The following MINAR2 variants were observed in gnomAD, a reference collection of about 807,000 sequenced individuals.
MINAR2 encodes major intrinsically disordered NOTCH2-binding receptor 1-like.
Under a neutral mutation model 16.1 loss-of-function variants are expected in MINAR2, and 21 were observed. The ratio of observed to expected loss-of-function variants is 1.31; its 90% CI spans 0.93 to 1.88. The LOEUF is 1.88. Among genes scored for constraint, MINAR2 ranks in the 40% most tolerant of loss-of-function variants. The pLI is 0.00. For missense variants in MINAR2, 259 were observed against 229.8 expected (o/e 1.13, Z -0.82); for synonymous variants, 86 against 83.0 (o/e 1.04, Z -0.20).
At chr5:129,751,938 G>A (rs1389797035) in intron 1 of MINAR2, among the ~76,000 whole-genome samples, 1 of 152,072 alleles carries the variant, frequency 6.6e-6, no homozygotes, top group Admixed American at 6.5e-5. Flanking sequence ...CTTCTCAAAA[G>A]AAGACATTTA....
Position 129,748,331 on chromosome 5 carries a change from CT to C in MINAR2, c.142del (p.Trp48GlyfsTer41), listed in dbSNP as rs1455907173. The C allele has an allele frequency of 1.1e-5, 17 of 1,535,008 alleles. No homozygotes were observed. ...GTGGAAATTATCCTGCTGCACAACA[CT>C]GGCAAAACCTTGTCTACTCACAGGT... Reference protein sequence around the residue: ...PGGNYPAAQHWQNLVYSQREK... With the variant: ...PGGNYPAAQHXQNLVYSQREK... On this transcript the variant is annotated frameshift_variant, in exon 1 of 3. Coordinates refer to ENST00000564719, the MANE Select transcript of MINAR2 (RefSeq NM_001257308.2). LOFTEE classifies it high-confidence loss of function.
At chr5:129,759,639 G>C (rs1758101626) in intron 1 of MINAR2, among the ~76,000 whole-genome samples, 1 of 152,070 alleles carries the variant, frequency 6.6e-6, no homozygotes, top group African/African-American at 2.4e-5. Context: ...TTTGGGCAGG[G>C]GGAGGGAGGG....
intron 1 of MINAR2, among the ~76,000 whole-genome samples, chr5:129,755,121 T>A (rs940646192): frequency 1.3e-5 from 2 of 152,104 alleles, no homozygotes; most frequent in Non-Finnish European, 2.9e-5. Context: ...TTTTTTCCTG[T>A]TAATGTGGTA....
Position 129,765,012 on chromosome 5 carries a change from C to T in MINAR2, c.522C>T (p.Val174=), listed in dbSNP as rs555644832. 7.8e-4 allele frequency: 1,056 copies of T among 1,347,968 alleles called. 1 individual carries two copies. Among genetic ancestry groups the T allele is most frequent in the Non-Finnish European group, 9.3e-4 (980 of 1,049,224 alleles). The allele number at this position is 1,347,968 out of a possible 1,614,324, so 83.5% of individuals were successfully genotyped here. The part of the protein sequence containing the change: ...KFCRMGLILL[V]VISILVTIVT... ...GTCGTATGGGTCTGATTTTACTTGT[C>T]GTTATCTCCATCTTGGTTACCATAG... Residue 174 remains valine, a synonymous_variant, in exon 3 of 3, where the codon GTC becomes GTT. Coordinates refer to ENST00000564719, the MANE Select transcript of MINAR2 (RefSeq NM_001257308.2).
At chr5:129,760,644 G>A (rs566743429) in intron 2 of MINAR2, 39 bp downstream of exon 2, 21 of 1,392,532 alleles carry the variant, frequency 1.5e-5, no homozygotes, top group African/African-American at 5.7e-5. Context: ...AACTGATAAG[G>A]GAGATCAGTC....
At chr5:129,764,395 C>T (rs533487458) in intron 2 of MINAR2, among the ~76,000 whole-genome samples, 4 of 152,092 alleles carry the variant, frequency 2.6e-5, no homozygotes, top group Admixed American at 6.5e-5. Flanking sequence ...AGTCAGCTTC[C>T]GGGTTTACTG....
At chr5:129,760,858 C>G (rs1174371900) in intron 2 of MINAR2, among the ~76,000 whole-genome samples, 2 of 152,094 alleles carry the variant, frequency 1.3e-5, no homozygotes, top group Admixed American at 1.3e-4. Flanking sequence ...TGGTACAGAA[C>G]AAAGGTTTTC....
chr5:129,761,184 A>G (rs1318442673), intron 2 of MINAR2, among the ~76,000 whole-genome samples: 9 of 152,208 alleles, frequency 5.9e-5, no homozygotes, highest in South Asian at 2.1e-4. Context: ...CTTAAACCCA[A>G]CTTAAGTTTT....
Position 129,748,267 on chromosome 5 carries a change from G to A in MINAR2, c.77G>A (p.Ser26Asn). The change falls in exon 1 of 3, where the codon AGC becomes AAC. Residue 26 changes from serine (S) to asparagine (N), a missense_variant. Ser to Asn is a conservative substitution (Grantham distance 46, BLOSUM62 1). Transcript: ENST00000564719. ...LQLDVKSLTR[S>N]SALLQASLVR... is the part of the protein sequence containing the mutation. ...CTTGACGTAAAGTCTTTAACGAGGA[G>A]CTCAGCCCTCCTTCAGGCCAGCCTG... 1 of 1,535,252 alleles carries A rather than the reference G, an allele frequency of 6.5e-7. No homozygotes were observed.
At chr5:129,753,915 A>G (rs540902132) in intron 1 of MINAR2, among the ~76,000 whole-genome samples, 1 of 152,306 alleles carries the variant, frequency 6.6e-6, no homozygotes, top group African/African-American at 2.4e-5. Context: ...TTGGATGACA[A>G]TGTGGTACTT....
rs1384949581 is a variant in MINAR2 at position 129,765,055 on chromosome 5, T to C, written c.565T>C (p.Phe189Leu). The change falls in exon 3 of 3, where the codon TTC becomes CTC. Residue 189 changes from phenylalanine to leucine, a missense_variant. Phe to Leu is a conservative substitution (Grantham distance 22, BLOSUM62 0). Coordinates refer to ENST00000564719, the MANE Select transcript of MINAR2 (RefSeq NM_001257308.2). Reference sequence around the variant, plus strand: ...TACCATAGTGACTATCATTACTTTTTTCACCTGAGGAAACTGCAACAATCA... The same window carrying C: ...TACCATAGTGACTATCATTACTTTTCTCACCTGAGGAAACTGCAACAATCA... ...LVTIVTIITF[F>L]T is the part of the protein sequence containing the mutation. 2.3e-6 allele frequency: 3 copies of C among 1,291,000 alleles called. No homozygotes were observed. Among genetic ancestry groups the C allele is most frequent in the Non-Finnish European group, 2.0e-6 (2 of 1,016,306 alleles). 80.0% of individuals were successfully genotyped at this position (1,291,000 alleles called of 1,614,324 possible).
rs1299860050 is a variant in MINAR2 at position 129,765,599 on chromosome 5, T to C, written c.*536T>C. The C allele has an allele frequency of 6.6e-6, 1 of 152,194 alleles. No homozygotes were observed. The highest frequency in any genetic ancestry group is 1.5e-5 in the Non-Finnish European group (1 of 68,052). The allele number at this position is 152,194 out of a possible 1,614,324, so 9.4% of individuals were successfully genotyped here. A position where few individuals can be genotyped will look rare whatever the true frequency, so the allele number is the denominator to read the frequency against. On this transcript the variant is annotated 3_prime_UTR_variant, in exon 3 of 3. Coordinates refer to ENST00000564719, the MANE Select transcript of MINAR2 (RefSeq NM_001257308.2). ...TCTGTTTTATTTTCCTGTATTTCTG[T>C]TTAAGTCAGAAAAAAGGAAAAAGGG...
rs75047204 is a variant in MINAR2 at position 129,765,230 on chromosome 5, G to A, written c.*167G>A. On this transcript the variant is annotated 3_prime_UTR_variant, in exon 3 of 3. Transcript: ENST00000564719. ...GTCCTGAAGAATGTGAATGTCAGGC[G>A]TGGTATGCTGGCTTCTCCACTTTGT... 0.12 allele frequency: 49,904 copies of A among 423,028 alleles called. 4,148 individuals are homozygous for A. The highest frequency in any genetic ancestry group is 0.35 in the East Asian group (9,756 of 28,022). The allele number at this position is 423,028 out of a possible 1,614,324, so 26.2% of individuals were successfully genotyped here. A position where few individuals can be genotyped will look rare whatever the true frequency, so the allele number is the denominator to read the frequency against.
intron 1 of MINAR2, among the ~76,000 whole-genome samples, chr5:129,756,642 T>G (rs1053854556): frequency 6.6e-6 from 1 of 152,036 alleles, no homozygotes; most frequent in Non-Finnish European, 1.5e-5. Context: ...GGTTCTTTAT[T>G]CTTAATGATT....
chr5:129,758,770 T>G (rs1037176379), intron 1 of MINAR2, among the ~76,000 whole-genome samples: 1 of 152,050 alleles, frequency 6.6e-6, no homozygotes. Context: ...GTAAAAATTA[T>G]GCTAAGCTCA....
At chr5:129,758,554 C>A (rs905792338) in intron 1 of MINAR2, among the ~76,000 whole-genome samples, 9 of 151,914 alleles carry the variant, frequency 5.9e-5, no homozygotes, top group Admixed American at 2.6e-4. Context: ...ATTAGATTTT[C>A]TAAGTCTATA....
At position 129,749,403 on chromosome 5, in the gene MINAR2, G is replaced by A. The variant is rs539461101; in HGVS notation, c.165+1048G>A. 4.6e-5 allele frequency among the ~76,000 whole-genome samples: 7 copies of A among 152,292 alleles called. No individual in the cohort carries two copies. The South Asian group carries it at 1.0e-3, about 23-fold the overall frequency. ...AAATCAAGTACACTCAAATGATTAT[G>A]TAAGTGTTTCCTCCACCTATAAGGA... On this transcript the variant is annotated intron_variant, in intron 1 of 2. Transcript: ENST00000564719.
At chr5:129,761,865 C>T (rs986885470) in intron 2 of MINAR2, among the ~76,000 whole-genome samples, 14 of 152,122 alleles carry the variant, frequency 9.2e-5, no homozygotes, top group African/African-American at 2.9e-4. Flanking sequence ...ACTGAGCAAA[C>T]TAACAGACAA....
chr5:129,757,730 ATGTGTG>A (rs1236502986), intron 1 of MINAR2, among the ~76,000 whole-genome samples: 1 of 151,964 alleles, frequency 6.6e-6, no homozygotes. Context: ...CTAATAAAAA[ATGTGTG>A]TTAAACTTAC....
Sources: gnomAD v4.1 joint callset for allele counts (sites outside exome capture counted in the v4.1 genomes callset) on GRCh38, gnomAD v4.1.1 for gene constraint, MANE v1.5 for transcripts, NCBI Gene and HGNC (gene_info 2026-07-23, HGNC 2026-07-21) for gene names.